The following MTSS1 variants were observed in gnomAD, a reference collection of about 807,000 sequenced individuals.
MTSS1 encodes MTSS I-BAR domain containing 1, also known as protein MTSS 1.
A neutral mutation model predicts 79.0 loss-of-function variants in MTSS1; 18 were observed. The ratio of observed to expected loss-of-function variants is 0.23; its 90% CI spans 0.16 to 0.34. The LOEUF is 0.34. Among genes scored for constraint, MTSS1 ranks in the 10% least tolerant of loss-of-function variants. The pLI is 1.00. For synonymous variants in MTSS1, 341 were observed against 368.6 expected (o/e 0.93, Z 0.86); for missense variants, 815 against 986.2 (o/e 0.83, Z 2.33).
At chr8:124,633,245 C>T (rs1203764108) in intron 3 of MTSS1, among the ~76,000 whole-genome samples, 1 of 152,132 alleles carries the variant, frequency 6.6e-6, no homozygotes, top group East Asian at 1.9e-4. Flanking sequence ...TCATTTTAGG[C>T]ATCAAAGGCC....
intron 6 of MTSS1, chr8:124,568,815 C>A: frequency 6.9e-7 from 1 of 1,441,330 alleles, no homozygotes; most frequent in Non-Finnish European, 9.0e-7. Context: ...ACTGCACAAC[C>A]CCCACCAACT....
intron 5 of MTSS1, 43 bp downstream of exon 5, chr8:124,589,577 C>A: frequency 6.7e-7 from 1 of 1,495,210 alleles, no homozygotes; most frequent in South Asian, 1.2e-5. Flanking sequence ...TCCCACAGCG[C>A]CCCCCAGCGT....
At chr8:124,584,042 T>C (rs1001812880) in intron 6 of MTSS1, among the ~76,000 whole-genome samples, 2 of 152,200 alleles carry the variant, frequency 1.3e-5, no homozygotes, top group African/African-American at 4.8e-5. Flanking sequence ...TATCTCAAAA[T>C]GGGTTTATGG....
chr8:124,647,245 C>T (rs10101084), intron 3 of MTSS1, among the ~76,000 whole-genome samples: 2,559 of 152,274 alleles, frequency 0.017, 77 homozygotes, highest in African/African-American at 0.058. Context: ...CTGAGTAATT[C>T]ATGTTTGGAT....
intron 3 of MTSS1, among the ~76,000 whole-genome samples, chr8:124,657,254 G>A (rs923843845): frequency 5.9e-5 from 9 of 152,120 alleles, no homozygotes; most frequent in African/African-American, 2.2e-4. Context: ...CACAAAAAGG[G>A]GTTGGGCTGG....
At chr8:124,588,809 G>A (rs1199599620) in intron 5 of MTSS1, among the ~76,000 whole-genome samples, 1 of 152,104 alleles carries the variant, frequency 6.6e-6, no homozygotes, top group Non-Finnish European at 1.5e-5. Flanking sequence ...CTGCCTCCTG[G>A]GTTCAAACAA....
At position 124,726,483 on chromosome 8, in the gene MTSS1, A is replaced by G. The variant is rs567643395; in HGVS notation, c.72+1401T>C. ...CTGGGCAAGCAGAGTCTGGCTGCAG[A>G]TTATGCTATGCTAAGGACAATTTGT... is the stretch of plus-strand genomic sequence containing the variant. On this transcript the variant is annotated intron_variant, in intron 1 of 13. Coordinates refer to ENST00000518547, the MANE Select transcript of MTSS1 (RefSeq NM_014751.6). Among the ~76,000 whole-genome samples the G allele has an allele frequency of 1.2e-4, 19 of 152,330 alleles. No homozygotes were observed. The East Asian group carries it at 1.3e-3, about 11-fold the overall frequency.
At chr8:124,562,527 A>G (rs1344510051) in intron 10 of MTSS1, among the ~76,000 whole-genome samples, 3 of 152,184 alleles carry the variant, frequency 2.0e-5, no homozygotes, top group Non-Finnish European at 4.4e-5. Flanking sequence ...CTTTCAATCC[A>G]TCTACTTACG....
intron 3 of MTSS1, chr8:124,699,275 C>T (rs990250819): frequency 8.1e-6 from 4 of 491,762 alleles, no homozygotes; most frequent in Non-Finnish European, 1.5e-5. Flanking sequence ...TCAAAGAACC[C>T]ATCAAGCCAA....
At chr8:124,598,009 A>G (rs2132881506) in intron 3 of MTSS1, among the ~76,000 whole-genome samples, 1 of 152,332 alleles carries the variant, frequency 6.6e-6, no homozygotes, top group Admixed American at 6.5e-5. Flanking sequence ...CATGATGGCC[A>G]TGCCTATAAT....
Position 124,562,739 on chromosome 8 carries a change from C to T in MTSS1, c.1035+43G>A, listed in dbSNP as rs373805145. 217 of 1,575,326 alleles carry T rather than the reference C, an allele frequency of 1.4e-4. No individual in the cohort carries two copies. The African/African-American group carries it at 2.5e-3, about 18-fold the overall frequency. On this transcript the variant is annotated intron_variant, in intron 10 of 13. Transcript: ENST00000518547. ...TTCTGGCCACTGACAGTGGTCAGGA[C>T]ACCAGGTGTGACAGCTGCTCCTGGA... is the stretch of plus-strand genomic sequence containing the variant.
chr8:124,661,971 C>T (rs1330204252), intron 3 of MTSS1, among the ~76,000 whole-genome samples: 2 of 152,166 alleles, frequency 1.3e-5, no homozygotes, highest in South Asian at 2.1e-4. Context: ...CTCACCCATC[C>T]ATGAACACCA....
chr8:124,636,374 G>A (rs201411414), intron 3 of MTSS1, among the ~76,000 whole-genome samples: 17 of 152,176 alleles, frequency 1.1e-4, no homozygotes, highest in Admixed American at 9.8e-4. Context: ...CAAGTGATCC[G>A]CCTGCCTCGG....
intron 3 of MTSS1, among the ~76,000 whole-genome samples, chr8:124,622,094 G>GAGAGAGAGAGAGAGAA (rs1554678118): frequency 6.7e-6 from 1 of 150,184 alleles, no homozygotes; most frequent in East Asian, 2.0e-4. Flanking sequence ...GAGAGAGAGA[G>GAGAGAGAGAGAGAGAA]AGAATATGAA....
At chr8:124,611,068 C>A (rs376807046) in intron 3 of MTSS1, among the ~76,000 whole-genome samples, 1 of 149,698 alleles carries the variant, frequency 6.7e-6, no homozygotes. Flanking sequence ...AAACAGTGCA[C>A]GTGCCTGAGT....
intron 3 of MTSS1, among the ~76,000 whole-genome samples, chr8:124,622,226 G>A (rs1160402908): frequency 6.6e-6 from 1 of 152,004 alleles, no homozygotes; most frequent in African/African-American, 2.4e-5. Flanking sequence ...GCATGACCTT[G>A]CTTGTATGTG....
intron 1 of MTSS1, among the ~76,000 whole-genome samples, chr8:124,707,736 T>C (rs1321499349): frequency 6.8e-6 from 1 of 147,346 alleles, no homozygotes; most frequent in African/African-American, 2.5e-5. Context: ...CCTAGCTGGG[T>C]GCTGTGGCAC....
intron 5 of MTSS1, among the ~76,000 whole-genome samples, chr8:124,587,606 C>T (rs1310284842): frequency 1.3e-5 from 2 of 152,198 alleles, no homozygotes; most frequent in South Asian, 2.1e-4. Context: ...TCAAGTGATT[C>T]TTGTGTCTCA....
At chr8:124,678,683 T>C (rs898112916) in intron 3 of MTSS1, among the ~76,000 whole-genome samples, 5 of 152,212 alleles carry the variant, frequency 3.3e-5, no homozygotes, top group South Asian at 2.1e-4. Flanking sequence ...GTAAGGATTA[T>C]AGGAGCTACA....
Sources: allele counts gnomAD v4.1 joint callset (sites outside exome capture counted in the v4.1 genomes callset), GRCh38; gene constraint gnomAD v4.1.1; transcripts MANE v1.5; gene names NCBI Gene and HGNC (gene_info 2026-07-23, HGNC 2026-07-21).